GIPC2: variants seen among roughly 807,000 people sequenced by gnomAD.
The protein encoded by GIPC2 is PDZ domain-containing protein GIPC2.
A neutral mutation model predicts 30.6 loss-of-function variants in GIPC2; 30 were observed. That is an observed-to-expected ratio of 0.98 (90% CI 0.73 to 1.33). The LOEUF is 1.33. Ranked by LOEUF, GIPC2 falls within the 40% of genes most tolerant of loss-of-function variation. The pLI is 0.00. For missense variants in GIPC2, 414 were observed against 390.3 expected, an observed-to-expected ratio of 1.06 and a Z score of -0.51; for synonymous variants, 167 against 150.0, an observed-to-expected ratio of 1.11 and a Z score of -0.83.
intron 2 of GIPC2, among the ~76,000 whole-genome samples, chr1:78,093,340 G>A (rs1387885642): frequency 6.6e-6 from 1 of 151,936 alleles, no homozygotes; most frequent in Non-Finnish European, 1.5e-5. Flanking sequence ...GTTTAATATG[G>A]GTTTCTAATA....
intron 1 of GIPC2, among the ~76,000 whole-genome samples, chr1:78,071,588 G>T (rs933456919): frequency 8.6e-4 from 99 of 115,040 alleles, no homozygotes; most frequent in Middle Eastern, 4.7e-3. Context: ...TTCTTCTTTT[G>T]TTTCTTCTTC....
chr1:78,104,868 AAG>A (rs1195397987), intron 3 of GIPC2, among the ~76,000 whole-genome samples: 2 of 152,218 alleles, frequency 1.3e-5, no homozygotes, highest in African/African-American at 2.4e-5. Context: ...TTGGCAAAGT[AAG>A]TGTACACAGT....
In GIPC2 at chr1:78,107,717, G is replaced by A. The variant is rs1324639109; in HGVS notation, c.608-11676G>A. 8.0e-5 allele frequency among the ~76,000 whole-genome samples: 12 copies of A among 150,360 alleles called. No individual in the cohort carries two copies. The East Asian group carries it at 2.4e-3, about 30-fold the overall frequency. Reference sequence around the variant, plus strand: ...GCACGCACCTGTAATTCCAGCTACTGGGGAGGCTGAGGCATGAGAATCACT... The same window carrying A: ...GCACGCACCTGTAATTCCAGCTACTAGGGAGGCTGAGGCATGAGAATCACT... On this transcript the variant is annotated intron_variant, in intron 3 of 5. Coordinates refer to ENST00000370759, the MANE Select transcript of GIPC2 (RefSeq NM_017655.6).
At chr1:78,120,326 C>T (rs1662656089) in intron 4 of GIPC2, among the ~76,000 whole-genome samples, 1 of 152,202 alleles carries the variant, frequency 6.6e-6, no homozygotes, top group Non-Finnish European at 1.5e-5. Context: ...ATCCCCATCT[C>T]AGGCTCTCAG....
intron 2 of GIPC2, among the ~76,000 whole-genome samples, chr1:78,087,972 C>T (rs1319760355): frequency 6.6e-6 from 1 of 152,102 alleles, no homozygotes. Flanking sequence ...AGCAGACACA[C>T]ATGTGGCCAA....
intron 3 of GIPC2, among the ~76,000 whole-genome samples, chr1:78,102,842 C>G (rs1359743977): frequency 1.3e-5 from 2 of 152,068 alleles, no homozygotes; most frequent in Non-Finnish European, 2.9e-5. Flanking sequence ...ACAAGATAAA[C>G]CCACTGAAAC....
intron 1 of GIPC2, among the ~76,000 whole-genome samples, chr1:78,074,233 C>G (rs915950420): frequency 1.3e-5 from 2 of 151,966 alleles, no homozygotes; most frequent in African/African-American, 4.8e-5. Context: ...TATTTATTTA[C>G]TTATTTTTTA....
chr1:78,048,167 A>G (rs1474523308), intron 1 of GIPC2, among the ~76,000 whole-genome samples: 2 of 152,226 alleles, frequency 1.3e-5, no homozygotes, highest in Non-Finnish European at 2.9e-5. Context: ...TTATTGGGAC[A>G]TAACACCTTG....
chr1:78,113,354 A>G (rs1040528582), intron 3 of GIPC2, among the ~76,000 whole-genome samples: 5 of 152,156 alleles, frequency 3.3e-5, no homozygotes, highest in Non-Finnish European at 4.4e-5. Flanking sequence ...GACTACAGGC[A>G]TGTCCCATCA....
At chr1:78,126,433 C>T (rs944388051) in intron 5 of GIPC2, among the ~76,000 whole-genome samples, 1 of 151,922 alleles carries the variant, frequency 6.6e-6, no homozygotes, top group East Asian at 1.9e-4. Context: ...TGAATTTCTG[C>T]GTATTTCTTA....
intron 1 of GIPC2, among the ~76,000 whole-genome samples, chr1:78,060,092 T>C (rs1332922111): frequency 6.6e-6 from 1 of 152,216 alleles, no homozygotes; most frequent in Non-Finnish European, 1.5e-5. Flanking sequence ...CAAATTCTTT[T>C]ATAGTTGTTT....
intron 1 of GIPC2, among the ~76,000 whole-genome samples, chr1:78,071,945 T>C (rs1661627520): frequency 6.6e-6 from 1 of 152,158 alleles, no homozygotes; most frequent in African/African-American, 2.4e-5. Flanking sequence ...AGCTAACGCA[T>C]TAGGAAGTGA....
At chr1:78,103,434 A>G (rs980509570) in intron 3 of GIPC2, among the ~76,000 whole-genome samples, 2 of 152,202 alleles carry the variant, frequency 1.3e-5, no homozygotes, top group African/African-American at 4.8e-5. Context: ...TAATGTATGT[A>G]TGTGCTTAGA....
intron 1 of GIPC2, among the ~76,000 whole-genome samples, chr1:78,073,366 A>C (rs578130210): frequency 1.3e-5 from 2 of 152,238 alleles, no homozygotes; most frequent in South Asian, 4.1e-4. Context: ...AGACTCCCAA[A>C]GTGCTGGGAT....
chr1:78,079,839 AG>A (rs1661791559), intron 1 of GIPC2, among the ~76,000 whole-genome samples: 1 of 152,204 alleles, frequency 6.6e-6, no homozygotes, highest in Non-Finnish European at 1.5e-5. Context: ...ATATTTTTGA[AG>A]GAAAATGAGG....
Position 78,086,305 on chromosome 1 carries a change from T to C in GIPC2, c.426+5445T>C, listed in dbSNP as rs528149701. Among the ~76,000 whole-genome samples the C allele has an allele frequency of 2.1e-3, 327 of 152,346 alleles. 2 individuals are homozygous for C. Among genetic ancestry groups the C allele is most frequent in the Admixed American group, 5.0e-3 (77 of 15,298 alleles). ...AGTATGTTTGGTATGATTTCAGTTCTTTTGCATTTGCTGAGGAGTGTTTTA... is the reference window on the plus strand; with the variant it reads ...AGTATGTTTGGTATGATTTCAGTTCCTTTGCATTTGCTGAGGAGTGTTTTA... On this transcript the variant is annotated intron_variant, in intron 2 of 5. Coordinates refer to ENST00000370759, the MANE Select transcript of GIPC2 (RefSeq NM_017655.6).
intron 3 of GIPC2, among the ~76,000 whole-genome samples, chr1:78,096,966 G>T (rs1662149138): frequency 6.6e-6 from 1 of 152,108 alleles, no homozygotes; most frequent in African/African-American, 2.4e-5. Flanking sequence ...CCTAGTGTGA[G>T]GGGTTTCTTT....
intron 3 of GIPC2, among the ~76,000 whole-genome samples, chr1:78,106,050 A>G (rs894421194): frequency 6.6e-6 from 1 of 150,926 alleles, no homozygotes; most frequent in Non-Finnish European, 1.5e-5. Flanking sequence ...CCTGGCTATT[A>G]TGGTGAAATC....
intron 5 of GIPC2, among the ~76,000 whole-genome samples, chr1:78,129,488 G>A (rs998384260): frequency 1.3e-5 from 2 of 152,074 alleles, no homozygotes; most frequent in Non-Finnish European, 2.9e-5. Flanking sequence ...AAGTAATATG[G>A]CAACAACGTG....
Sources: gnomAD v4.1 joint callset for allele counts (sites outside exome capture counted in the v4.1 genomes callset) on GRCh38, gnomAD v4.1.1 for gene constraint, MANE v1.5 for transcripts, NCBI Gene and HGNC (gene_info 2026-07-23, HGNC 2026-07-21) for gene names.